RGS8: variants seen among roughly 807,000 people sequenced by gnomAD.
RGS8 encodes the protein regulator of G protein signaling 8, also known as regulator of G-protein signaling 8.
In RGS8, 8 loss-of-function variants were observed where a neutral mutation model predicts 21.7. The ratio of observed to expected loss-of-function variants is 0.37; its 90% CI spans 0.22 to 0.66. RGS8 has a LOEUF of 0.66. Among genes scored for constraint, RGS8 ranks in the 30% least tolerant of loss-of-function variants. The pLI is 0.59. For synonymous variants in RGS8, 80 were observed against 83.6 expected (o/e 0.96, Z 0.24); for missense variants, 157 against 217.9 (o/e 0.72, Z 1.76).
the RGS8 span, among the ~76,000 whole-genome samples, chr1:182,726,346 C>T: frequency 1.8e-4 from 27 of 152,194 alleles, no homozygotes; most frequent in African/African-American, 6.0e-4. Context: ...TATGCAGTGC[C>T]CCCCAGTCTC....
chr1:182,682,668 G>C (rs747828548), intron 1 of RGS8, among the ~76,000 whole-genome samples: 2 of 152,166 alleles, frequency 1.3e-5, no homozygotes, highest in Non-Finnish European at 2.9e-5. Flanking sequence ...CCTGAGTGGA[G>C]GGCCCAGGGT....
the RGS8 span, among the ~76,000 whole-genome samples, chr1:182,738,807 T>C: frequency 6.6e-6 from 1 of 152,212 alleles, no homozygotes; most frequent in Non-Finnish European, 1.5e-5. Flanking sequence ...AGTCCAGAGA[T>C]TGACTGCAGG....
chr1:182,701,507 TA>T, the RGS8 span, among the ~76,000 whole-genome samples: 1 of 152,220 alleles, frequency 6.6e-6, no homozygotes, highest in Admixed American at 6.5e-5. Context: ...TTTTGTCCCT[TA>T]AATGCAACTT....
chr1:182,665,881 T>G, intron 5 of RGS8, 88 bp downstream of exon 6: 3 of 1,179,728 alleles, frequency 2.5e-6, no homozygotes, highest in Non-Finnish European at 3.8e-6. Context: ...ACCTAGTACA[T>G]ACCTGCCTGG....
the RGS8 span, among the ~76,000 whole-genome samples, chr1:182,713,057 A>G: frequency 3.9e-4 from 59 of 152,238 alleles, no homozygotes; most frequent in Admixed American, 1.6e-3. Flanking sequence ...CCAAGTTGCC[A>G]TCGTCCCAAA....
At chr1:182,714,024 G>A in the RGS8 span, among the ~76,000 whole-genome samples, 4 of 152,072 alleles carry the variant, frequency 2.6e-5, no homozygotes, top group South Asian at 2.1e-4. Flanking sequence ...TTTCTACCAC[G>A]CCAATTTGAC....
chr1:182,692,675 C>CAAAAAAAAA, the RGS8 span, among the ~76,000 whole-genome samples: 2 of 28,022 alleles, frequency 7.1e-5, no homozygotes, highest in Non-Finnish European at 1.4e-4. Context: ...CAATCCTAAG[C>CAAAAAAAAA]AAAAAAAAAA....
chr1:182,669,577 A>G (rs762731172), intron 3 of RGS8, 47 bp downstream of exon 4: 1 of 1,614,110 alleles, frequency 6.2e-7, no homozygotes, highest in East Asian at 2.2e-5. Flanking sequence ...AAGGTGGAGA[A>G]AAGAGGAAAG....
At chr1:182,708,127 T>C in the RGS8 span, among the ~76,000 whole-genome samples, 1 of 152,194 alleles carries the variant, frequency 6.6e-6, no homozygotes, top group Admixed American at 6.5e-5. Flanking sequence ...TCGTCAGTAG[T>C]GCAGATGGAA....
chr1:182,736,808 C>T, the RGS8 span, among the ~76,000 whole-genome samples: 11 of 152,332 alleles, frequency 7.2e-5, no homozygotes, highest in South Asian at 1.2e-3. Flanking sequence ...CACTCTTTCC[C>T]GCTCTGCTCT....
At chr1:182,651,582 T>G (rs953103647) in intron 5 of RGS8, among the ~76,000 whole-genome samples, 1 of 152,208 alleles carries the variant, frequency 6.6e-6, no homozygotes, top group Non-Finnish European at 1.5e-5. Context: ...AATCATAAGT[T>G]GAACCATAGT....
At chr1:182,723,136 G>C in the RGS8 span, among the ~76,000 whole-genome samples, 1 of 152,014 alleles carries the variant, frequency 6.6e-6, no homozygotes, top group East Asian at 1.9e-4. Context: ...TGATGTTCTG[G>C]GTTGGGGGGG....
upstream of RGS8, among the ~76,000 whole-genome samples, chr1:182,676,390 A>G (rs1664358297): frequency 6.6e-6 from 1 of 152,182 alleles, no homozygotes; most frequent in African/African-American, 2.4e-5. Flanking sequence ...TCAGCATGCT[A>G]AAGCTCTTCC....
At chr1:182,748,855 T>C in the RGS8 span, among the ~76,000 whole-genome samples, 1 of 152,198 alleles carries the variant, frequency 6.6e-6, no homozygotes, top group African/African-American at 2.4e-5. Context: ...TGACAATTAG[T>C]GATGTTGAGC....
chr1:182,663,004 G>A (rs1156467287), intron 5 of RGS8, among the ~76,000 whole-genome samples: 1 of 152,086 alleles, frequency 6.6e-6, no homozygotes, highest in African/African-American at 2.4e-5. Context: ...TCTTAAGGGG[G>A]ACAGCTGCCT....
At chr1:182,667,852 T>A (rs1198188509) in intron 3 of RGS8, among the ~76,000 whole-genome samples, 1 of 144,856 alleles carries the variant, frequency 6.9e-6, no homozygotes, top group Non-Finnish European at 1.5e-5. Context: ...ATATGTTTAA[T>A]TTTTTTTTTT....
chr1:182,675,771 C>A (rs1276923460), upstream of RGS8, among the ~76,000 whole-genome samples: 1 of 152,306 alleles, frequency 6.6e-6, no homozygotes, highest in East Asian at 1.9e-4. Context: ...CCCAATAGCA[C>A]CACCTTGCTG....
intron 5 of RGS8, among the ~76,000 whole-genome samples, chr1:182,651,468 A>G (rs1465470100): frequency 6.6e-6 from 1 of 152,250 alleles, no homozygotes; most frequent in Non-Finnish European, 1.5e-5. Flanking sequence ...GCAAGAGAGT[A>G]TCACATCACA....
the RGS8 span, among the ~76,000 whole-genome samples, chr1:182,736,060 C>T: frequency 6.6e-6 from 1 of 152,204 alleles, no homozygotes; most frequent in Non-Finnish European, 1.5e-5. Context: ...CAAATTAACT[C>T]CTTTTTCTTT....
Sources: allele counts gnomAD v4.1 joint callset (sites outside exome capture counted in the v4.1 genomes callset), GRCh38; gene constraint gnomAD v4.1.1; transcripts MANE v1.5; gene names NCBI Gene and HGNC (gene_info 2026-07-23, HGNC 2026-07-21).